Variants in ZDHHC11 observed in about 807,000 individuals in gnomAD.
The protein encoded by ZDHHC11 is zDHHC palmitoyltransferase 11.
Under a neutral mutation model 51.3 loss-of-function variants are expected in ZDHHC11, and 44 were observed. The ratio of observed to expected loss-of-function variants is 0.86; its 90% CI spans 0.67 to 1.10. The LOEUF is 1.10. Ranked by LOEUF, ZDHHC11 falls within the 50% of genes least tolerant of loss-of-function variation. The probability of loss-of-function intolerance (pLI) is 0.00; values close to 1 mark genes in which losing one functional copy is unlikely to be tolerated. For synonymous variants in ZDHHC11, 163 were observed against 222.0 expected (o/e 0.73, Z 2.36); for missense variants, 400 against 537.7 (o/e 0.74, Z 2.53).
chr5:850,842 A>G lies in ZDHHC11; in HGVS notation c.-240T>C. 1 of 585,556 alleles carries G rather than the reference A, an allele frequency of 1.7e-6. No homozygotes were observed. Among genetic ancestry groups the G allele is most frequent in the South Asian group, 2.2e-5 (1 of 44,912 alleles). The allele number at this position is 585,556 out of a possible 1,614,324, so 36.3% of individuals were successfully genotyped here. On this transcript the variant is annotated 5_prime_UTR_variant, in exon 1 of 13. Coordinates refer to ENST00000283441, the MANE Select transcript of ZDHHC11 (RefSeq NM_024786.3). ...TGCTGCAGAATGTGACCCCGGCCAGAGCCGAGTGGCAACGGAAAACGGCTC... is the reference window on the plus strand; with the variant it reads ...TGCTGCAGAATGTGACCCCGGCCAGGGCCGAGTGGCAACGGAAAACGGCTC...
intron 11 of ZDHHC11, among the ~76,000 whole-genome samples, chr5:805,550 G>T (rs1222711594): frequency 6.8e-6 from 1 of 147,412 alleles, no homozygotes; most frequent in Non-Finnish European, 1.5e-5. Flanking sequence ...AAAGAACAAA[G>T]GGATCAAAAT....
At chr5:841,139 A>G in intron 4 of ZDHHC11, 1 of 947,868 alleles carries the variant, frequency 1.1e-6, no homozygotes, top group Non-Finnish European at 1.2e-6. Context: ...TTCCTTATTT[A>G]GTGCCAGGGT....
chr5:849,820 AAC>A (rs1746863928), intron 1 of ZDHHC11: 1 of 153,490 alleles, frequency 6.5e-6, no homozygotes, highest in South Asian at 2.1e-4. Context: ...CCCTGGGACA[AAC>A]ACAGACTCTC....
At chr5:854,044 G>A (rs1747737498), upstream of ZDHHC11, among the ~76,000 whole-genome samples, 1 of 150,666 alleles carries the variant, frequency 6.6e-6, no homozygotes, top group Non-Finnish European at 1.5e-5. Flanking sequence ...CCGCACAGAG[G>A]ACAGTGAGCA....
chr5:822,002 T>C, intron 8 of ZDHHC11, 107 bp from the exon 9 acceptor site: 3 of 1,005,188 alleles, frequency 3.0e-6, no homozygotes, highest in East Asian at 2.6e-5. Flanking sequence ...TTCTGAGTAA[T>C]GGTACATCAA....
intron 11 of ZDHHC11, among the ~76,000 whole-genome samples, chr5:813,289 C>T (rs1436096846): frequency 7.0e-6 from 1 of 141,868 alleles, no homozygotes; most frequent in Non-Finnish European, 1.5e-5. Flanking sequence ...GATTGTGCCA[C>T]TGCACTGCAG....
intron 7 of ZDHHC11, among the ~76,000 whole-genome samples, chr5:833,421 G>GA (rs1340261850): frequency 6.6e-6 from 1 of 151,766 alleles, no homozygotes; most frequent in African/African-American, 2.4e-5. Flanking sequence ...CAATGTCTAT[G>GA]AAACACTATT....
intron 4 of ZDHHC11, 39 bp from the exon 5 acceptor site, chr5:840,689 C>T: frequency 5.6e-6 from 9 of 1,611,312 alleles, no homozygotes; most frequent in Non-Finnish European, 7.6e-6. Context: ...CCAGCACCTG[C>T]TGACGGGTGC....
Position 821,823 on chromosome 5 carries a change from TAATA to T in ZDHHC11, c.1058+34_1058+37del, listed in dbSNP as rs1270854053. The stretch of plus-strand genomic sequence containing the variant: ...TGAGACGAGTGTATAACTATGTTAC[TAATA>T]GATAAAATAATCCCATTAAACTTAC... On this transcript the variant is annotated intron_variant, in intron 9 of 12. Coordinates refer to ENST00000283441, the MANE Select transcript of ZDHHC11 (RefSeq NM_024786.3). 4 of 1,558,838 alleles carry T rather than the reference TAATA, an allele frequency of 2.6e-6. 1 individual carries two copies. In the South Asian group the frequency reaches 4.6e-5, roughly 18 times the overall value.
chr5:833,754 C>T lies in ZDHHC11; in HGVS notation c.935+19G>A, dbSNP rs1207203348. The T allele has an allele frequency of 8.2e-5, 113 of 1,374,866 alleles. 1 individual carries two copies. The Admixed American group carries it at 2.1e-3, about 26-fold the overall frequency. 85.2% of individuals were successfully genotyped at this position (1,374,866 alleles called of 1,614,324 possible). A position where few individuals can be genotyped will look rare whatever the true frequency, so the allele number is the denominator to read the frequency against. ...ATTCTTCAGAAGGACCAAGCTACTG[C>T]AGGAAGCTTGCAACTTACCCCTGTG... On this transcript the variant is annotated intron_variant, in intron 7 of 12. Transcript: ENST00000283441.
At position 833,673 on chromosome 5, in the gene ZDHHC11, CTCA is replaced by C. The variant is rs1743359598; in HGVS notation, c.935+97_935+99del. The C allele has an allele frequency of 9.2e-6, 6 of 652,378 alleles. No homozygotes were observed. In the South Asian group the frequency reaches 1.2e-4, roughly 13 times the overall value. The allele number at this position is 652,378 out of a possible 1,614,324, so 40.4% of individuals were successfully genotyped here. On this transcript the variant is annotated intron_variant, in intron 7 of 12. Transcript: ENST00000283441. ...GCATCATCCCATGATTTCAAAATGT[CTCA>C]TCATAGGTGAATTATTTTCCAAAGT...
chr5:825,866 G>A (rs1195939462), intron 7 of ZDHHC11, among the ~76,000 whole-genome samples: 1 of 151,664 alleles, frequency 6.6e-6, no homozygotes, highest in Non-Finnish European at 1.5e-5. Flanking sequence ...TCCACCTCCT[G>A]CAACATCCTG....
chr5:834,013 T>A (rs1368276066), intron 6 of ZDHHC11, among the ~76,000 whole-genome samples: 1 of 152,294 alleles, frequency 6.6e-6, no homozygotes, highest in East Asian at 1.9e-4. Context: ...GGGATTCTGG[T>A]CATGTATTAG....
In ZDHHC11 at chr5:815,253, C is replaced by T. The variant is rs1429561982; in HGVS notation, c.1147-458G>A. ...TGGGAGACACCAACCCTGCAGACAC[C>T]GTGCTCTGGGACTTCCAGCCTGCAG... On this transcript the variant is annotated intron_variant, in intron 10 of 12. Coordinates refer to ENST00000283441, the MANE Select transcript of ZDHHC11 (RefSeq NM_024786.3). 5.9e-5 allele frequency among the ~76,000 whole-genome samples: 9 copies of T among 151,494 alleles called. 1 individual carries two copies. Among genetic ancestry groups the T allele is most frequent in the East Asian group, 1.9e-4 (1 of 5,190 alleles).
rs372057534 is a variant in ZDHHC11, at chr5:847,141, G to A, written c.503+373C>T. Among the ~76,000 whole-genome samples the A allele has an allele frequency of 1.1e-4, 16 of 151,752 alleles. 1 individual carries two copies. The highest frequency in any genetic ancestry group is 2.1e-4 in the South Asian group (1 of 4,824). On this transcript the variant is annotated intron_variant, in intron 3 of 12. Coordinates refer to ENST00000283441, the MANE Select transcript of ZDHHC11 (RefSeq NM_024786.3). ...GGGGAAACACCTCTCGCCCATCTGC[G>A]CTGGGTGCCCACTGCCCTTCCGTGG...
chr5:813,997 G>C (rs1740434349), intron 11 of ZDHHC11, among the ~76,000 whole-genome samples: 1 of 150,722 alleles, frequency 6.6e-6, no homozygotes, highest in Non-Finnish European at 1.5e-5. Flanking sequence ...AACTTTAGTA[G>C]AGTGTAGGAG....
intron 10 of ZDHHC11, among the ~76,000 whole-genome samples, chr5:818,405 G>T (rs1410470744): frequency 6.6e-6 from 1 of 151,750 alleles, no homozygotes; most frequent in Admixed American, 6.6e-5. Flanking sequence ...CGCCAGCGTC[G>T]CTGTTCCTCC....
chr5:825,819 C>T (rs1321730958), intron 7 of ZDHHC11, among the ~76,000 whole-genome samples: 15 of 152,236 alleles, frequency 9.9e-5, no homozygotes, highest in African/African-American at 2.7e-4. Flanking sequence ...CATGACAGAA[C>T]AACCCTGCTC....
upstream of ZDHHC11, among the ~76,000 whole-genome samples, chr5:859,272 C>T (rs528615474): frequency 2.7e-4 from 41 of 152,230 alleles, no homozygotes; most frequent in African/African-American, 9.6e-4. Flanking sequence ...GCTTAGCCGC[C>T]CTCACCTGAA....
Sources: allele counts gnomAD v4.1 joint callset (sites outside exome capture counted in the v4.1 genomes callset), GRCh38; gene constraint gnomAD v4.1.1; transcripts MANE v1.5; gene names NCBI Gene and HGNC (gene_info 2026-07-23, HGNC 2026-07-21).